Variants in PDLIM4 observed in about 807,000 individuals in gnomAD.
The protein encoded by PDLIM4 is PDZ and LIM domain 4.
PDLIM4 carries 19 observed loss-of-function variants against 31.3 expected under a neutral mutation model. The ratio of observed to expected loss-of-function variants is 0.61; its 90% CI spans 0.42 to 0.89. The LOEUF (loss-of-function observed/expected upper bound fraction) is 0.89, where lower values mean the gene tolerates loss of function less well. Among genes scored for constraint, PDLIM4 ranks in the 40% least tolerant of loss-of-function variants. PDLIM4 has a pLI of 0.00. For missense variants in PDLIM4, 442 were observed against 461.1 expected, an observed-to-expected ratio of 0.96 and a Z score of 0.38; for synonymous variants, 176 against 190.1, an observed-to-expected ratio of 0.93 and a Z score of 0.61.
At chr5:132,266,858 C>T (rs111753195) in intron 3 of PDLIM4, 87 of 250,982 alleles carry the variant, frequency 3.5e-4, no homozygotes, top group African/African-American at 1.8e-3. Context: ...CACTCTGGTG[C>T]TCAGTGATGC....
At chr5:132,261,298 A>T (rs1014906643) in intron 1 of PDLIM4, among the ~76,000 whole-genome samples, 4 of 152,212 alleles carry the variant, frequency 2.6e-5, no homozygotes, top group Non-Finnish European at 4.4e-5. Flanking sequence ...TGAGGGTGTC[A>T]TGCTTCAGAA....
chr5:132,272,406 C>G lies in PDLIM4; in HGVS notation c.*177C>G, dbSNP rs1192185098. The G allele has an allele frequency of 1.6e-6, 1 of 629,328 alleles. No individual in the cohort carries two copies. Among genetic ancestry groups the G allele is most frequent in the South Asian group, 1.8e-5 (1 of 54,532 alleles). 39.0% of individuals were successfully genotyped at this position (629,328 alleles called of 1,614,324 possible). Reference sequence around the variant, plus strand: ...GAGTACAGTAGTATCTGCTTAGGTGCCAGGCATGTCCTAGGCTCTGGGTGC... The same window carrying G: ...GAGTACAGTAGTATCTGCTTAGGTGGCAGGCATGTCCTAGGCTCTGGGTGC... On this transcript the variant is annotated 3_prime_UTR_variant, in exon 7 of 7. Coordinates refer to ENST00000253754, the MANE Select transcript of PDLIM4 (RefSeq NM_003687.4).
chr5:132,272,014 C>A lies in PDLIM4; in HGVS notation c.789-11C>A, dbSNP rs775905084. On this transcript the variant is annotated splice_polypyrimidine_tract_variant and intron_variant, in intron 6 of 6. Transcript: ENST00000253754. ...TCACTCGACGCTGTCCTGTCTCGTT[C>A]CCCCCATCAGGGGCACCATCGTCAA... The A allele has an allele frequency of 6.2e-7, 1 of 1,612,358 alleles. No individual in the cohort carries two copies. The highest frequency in any genetic ancestry group is 1.1e-5 in the South Asian group (1 of 91,018).
intron 3 of PDLIM4, among the ~76,000 whole-genome samples, chr5:132,267,728 G>T (rs1176822278): frequency 6.6e-6 from 1 of 152,198 alleles, no homozygotes; most frequent in Admixed American, 6.5e-5. Context: ...AAGATGGAAG[G>T]AGTGAGAGGA....
At chr5:132,259,229 G>A (rs1190371360) in intron 1 of PDLIM4, among the ~76,000 whole-genome samples, 4 of 151,974 alleles carry the variant, frequency 2.6e-5, no homozygotes, top group African/African-American at 7.2e-5. Context: ...GGCTGGTGGG[G>A]ACACTAAGCG....
At chr5:132,271,161 C>A in intron 4 of PDLIM4, 68 bp downstream of exon 4, 1 of 1,533,420 alleles carries the variant, frequency 6.5e-7, no homozygotes, top group Non-Finnish European at 9.0e-7. Context: ...CAAATCTCAC[C>A]CAGTCCCACT....
chr5:132,262,996 G>A (rs544403186), intron 2 of PDLIM4, among the ~76,000 whole-genome samples: 18 of 152,304 alleles, frequency 1.2e-4, no homozygotes, highest in African/African-American at 4.3e-4. Context: ...GTGTGTTGGG[G>A]CACTTATGGC....
At chr5:132,270,807 C>A in intron 3 of PDLIM4, 108 bp from the exon 4 acceptor site, 1 of 961,194 alleles carries the variant, frequency 1.0e-6, no homozygotes, top group Non-Finnish European at 1.6e-6. Flanking sequence ...GCAGAGGAAG[C>A]CAACTGACAT....
chr5:132,267,207 A>G (rs1756510342), intron 3 of PDLIM4, among the ~76,000 whole-genome samples: 3 of 152,204 alleles, frequency 2.0e-5, no homozygotes, highest in South Asian at 4.1e-4. Flanking sequence ...AGTTTGGGCA[A>G]GGAGACTGGG....
rs777116758 is a variant in PDLIM4 at position 132,272,620 on chromosome 5, A to G, written c.*391A>G. ...AGTCTTAGCTGAGAACTAAGAGATG[A>G]GGGAGGCACAAACTCTGCACGGGGG... On this transcript the variant is annotated 3_prime_UTR_variant, in exon 7 of 7. Coordinates refer to ENST00000253754, the MANE Select transcript of PDLIM4 (RefSeq NM_003687.4). 3.7e-5 allele frequency: 11 copies of G among 298,674 alleles called. No homozygotes were observed. Among genetic ancestry groups the G allele is most frequent in the East Asian group, 8.0e-5 (1 of 12,450 alleles). The allele number at this position is 298,674 out of a possible 1,614,324, so 18.5% of individuals were successfully genotyped here. A position where few individuals can be genotyped will look rare whatever the true frequency, so the allele number is the denominator to read the frequency against.
chr5:132,261,016 A>G (rs1178653767), intron 1 of PDLIM4, among the ~76,000 whole-genome samples: 1 of 152,210 alleles, frequency 6.6e-6, no homozygotes, highest in Non-Finnish European at 1.5e-5. Context: ...GGGGCATGGC[A>G]TCCCTCCCCC....
Position 132,271,871 on chromosome 5 carries a change from G to A in PDLIM4, c.751G>A (p.Gly251Arg), listed in dbSNP as rs1307456348. Residue 251 changes from glycine to arginine, a missense_variant, in exon 6 of 7, where the codon GGG (glycine) becomes AGG (arginine). Coordinates refer to ENST00000253754, the MANE Select transcript of PDLIM4 (RefSeq NM_003687.4). ...KLGAPLSGLQ[G>R]LPECTRCGHG... Reference sequence around the variant, plus strand: ...GGGCGCTCCGCTGAGCGGCCTGCAGGGGCTGCCCGAGTGCACGCGCTGCGG... The same window carrying A: ...GGGCGCTCCGCTGAGCGGCCTGCAGAGGCTGCCCGAGTGCACGCGCTGCGG... The A allele has an allele frequency of 6.2e-7, 1 of 1,610,816 alleles. No homozygotes were observed. Among genetic ancestry groups the A allele is most frequent in the Admixed American group, 1.7e-5 (1 of 59,826 alleles).
intron 5 of PDLIM4, 24 bp downstream of exon 5, chr5:132,271,490 C>T (rs1460420863): frequency 6.2e-7 from 1 of 1,605,478 alleles, no homozygotes; most frequent in Non-Finnish European, 8.5e-7. Context: ...CACCTGTCCC[C>T]ATCTGCCTTC....
At chr5:132,261,000 G>A (rs557040828) in intron 1 of PDLIM4, among the ~76,000 whole-genome samples, 3 of 152,210 alleles carry the variant, frequency 2.0e-5, no homozygotes, top group South Asian at 2.1e-4. Context: ...CTCCAGTGTG[G>A]GGACTGGGGC....
chr5:132,265,807 C>T lies in PDLIM4; in HGVS notation c.246-657C>T, dbSNP rs959029329. On this transcript the variant is annotated intron_variant, in intron 2 of 6. Transcript: ENST00000253754. ...GAGTGACAGGGCTGGGCCTTAGGCA[C>T]GTAGCCTCTCGGCCTGCCTGCCCTG... Among the ~76,000 whole-genome samples the T allele has an allele frequency of 4.6e-5, 7 of 152,196 alleles. No individual in the cohort carries two copies. In the East Asian group the frequency reaches 9.6e-4, roughly 21 times the overall value.
chr5:132,266,840 C>T (rs7447266), intron 3 of PDLIM4: 21,850 of 286,776 alleles, frequency 0.076, 985 homozygotes, highest in South Asian at 0.11. Context: ...ACACAGCCAG[C>T]TGGAGTTCAC....
intron 3 of PDLIM4, among the ~76,000 whole-genome samples, chr5:132,267,788 G>C (rs925099202): frequency 6.6e-6 from 1 of 152,160 alleles, no homozygotes; most frequent in African/African-American, 2.4e-5. Flanking sequence ...AGGCTCTTGG[G>C]CTTCTCTATC....
In PDLIM4 at chr5:132,271,481, A is replaced by G. The variant is rs1392229205; in HGVS notation, c.670+15A>G. 2.5e-6 allele frequency: 4 copies of G among 1,606,384 alleles called. No homozygotes were observed. Among genetic ancestry groups the G allele is most frequent in the Non-Finnish European group, 3.4e-6 (4 of 1,179,538 alleles). On this transcript the variant is annotated intron_variant, in intron 5 of 6. Transcript: ENST00000253754. ...CGGCGAGGGCGGTAAGACGCCTGCCACCTGTCCCCATCTGCCTTCCCACTC... is the reference window on the plus strand; with the variant it reads ...CGGCGAGGGCGGTAAGACGCCTGCCGCCTGTCCCCATCTGCCTTCCCACTC...
At chr5:132,261,841 A>T (rs1219461922) in intron 1 of PDLIM4, among the ~76,000 whole-genome samples, 1 of 152,196 alleles carries the variant, frequency 6.6e-6, no homozygotes, top group Non-Finnish European at 1.5e-5. Flanking sequence ...GGACTTGCTC[A>T]GGGAGGTGAT....
Sources: gnomAD v4.1 joint callset for allele counts (sites outside exome capture counted in the v4.1 genomes callset) on GRCh38, gnomAD v4.1.1 for gene constraint, MANE v1.5 for transcripts, NCBI Gene and HGNC (gene_info 2026-07-23, HGNC 2026-07-21) for gene names.